PTPRB: variants seen among roughly 807,000 people sequenced by gnomAD.
The protein encoded by PTPRB is protein tyrosine phosphatase receptor type B.
In PTPRB, 97 loss-of-function variants were observed where a neutral mutation model predicts 238.1. The ratio of observed to expected loss-of-function variants is 0.41; its 90% CI spans 0.35 to 0.48. The LOEUF is 0.48. Among genes scored for constraint, PTPRB ranks in the 20% least tolerant of loss-of-function variants. PTPRB has a pLI of 0.30. For missense variants in PTPRB, 2,292 were observed against 2,681.9 expected (o/e 0.85, Z 3.21); for synonymous variants, 970 against 995.4 (o/e 0.97, Z 0.48).
At chr12:70,601,161 C>T (rs1352745792) in intron 4 of PTPRB, among the ~76,000 whole-genome samples, 1 of 151,986 alleles carries the variant, frequency 6.6e-6, no homozygotes, top group Non-Finnish European at 1.5e-5. Flanking sequence ...CTAGCGTGCC[C>T]AGCCTAATTT....
Position 70,631,579 on chromosome 12 carries a change from G to A in PTPRB, c.451+4092C>T, listed in dbSNP as rs1314682213. On this transcript the variant is annotated intron_variant, in intron 2 of 33. Transcript: ENST00000334414. The stretch of plus-strand genomic sequence containing the variant: ...GCAACAAAAGCCAAAATAGACAAAT[G>A]GGATCTAATTAAACTAAAGAGCTTC... Among the ~76,000 whole-genome samples the A allele has an allele frequency of 2.6e-5, 4 of 152,172 alleles. No homozygotes were observed. The East Asian group carries it at 7.7e-4, about 29-fold the overall frequency.
intron 4 of PTPRB, among the ~76,000 whole-genome samples, chr12:70,605,436 T>A (rs1463693768): frequency 6.6e-6 from 1 of 152,194 alleles, no homozygotes; most frequent in East Asian, 1.9e-4. Context: ...ATCCATTTAA[T>A]CAGTATTTAC....
chr12:70,537,306 AAAGAAAG>A (rs1473194484), intron 28 of PTPRB, among the ~76,000 whole-genome samples: 1 of 142,692 alleles, frequency 7.0e-6, no homozygotes, highest in Non-Finnish European at 1.5e-5. Context: ...AAAAAAAAAA[AAAGAAAG>A]AAATACAGAT....
chr12:70,555,177 ACCACTGTGAAGTATTTCACAGCT>A lies in PTPRB; in HGVS notation c.5103_5125del (p.Ala1702GlyfsTer5). Reference sequence around the variant, plus strand: ...TAACTTACCATCAGCCTCTCTCACCACCACTGTGAAGTATTTCACAGCTCCATTGGTGTCGCTGAACCAGCTGC... The same window carrying A: ...TAACTTACCATCAGCCTCTCTCACCACCATTGGTGTCGCTGAACCAGCTGC... On this transcript the variant is annotated frameshift_variant, in exon 20 of 34. Transcript: ENST00000334414. LOFTEE classifies it high-confidence loss of function. 1 of 1,613,716 alleles carries A rather than the reference ACCACTGTGAAGTATTTCACAGCT, an allele frequency of 6.2e-7. No homozygotes were observed. The highest frequency in any genetic ancestry group is 8.5e-7 in the Non-Finnish European group (1 of 1,179,744).
rs1878711547 is a variant in PTPRB, at chr12:70,563,028, C to T, written c.3984G>A (p.Gly1328=). ...HLSFRWTASE[G]ELSWYNIFLY... Reference sequence around the variant, plus strand: ...AAAAGATGTTGTACCAGCTGAGCTCCCCCTCTGAGGCGGTCCAGCGGAAGG... The same window carrying T: ...AAAAGATGTTGTACCAGCTGAGCTCTCCCTCTGAGGCGGTCCAGCGGAAGG... The change falls in exon 16 of 34, where the codon GGG becomes GGA. Residue 1328 remains glycine, a synonymous_variant. Transcript: ENST00000334414. The T allele has an allele frequency of 6.2e-7, 1 of 1,613,928 alleles. No homozygotes were observed. Among genetic ancestry groups the T allele is most frequent in the African/African-American group, 1.3e-5 (1 of 75,032 alleles).
At position 70,569,857 on chromosome 12, in the gene PTPRB, C is replaced by G; in HGVS notation, c.3452G>C (p.Gly1151Ala). The G allele has an allele frequency of 6.2e-7, 1 of 1,613,956 alleles. No individual in the cohort carries two copies. Residue 1151 changes from glycine (G) to alanine (A), a missense_variant, in exon 14 of 34, where the codon GGA becomes GCA. Gly to Ala is a moderately conservative substitution (Grantham distance 60). Coordinates refer to ENST00000334414, the MANE Select transcript of PTPRB (RefSeq NM_001109754.4). ...CGACACCGTGTAGGAATCAACGTCT[C>G]CCCCACCAGGAGTCCAGTTCACCGT... ...SLTVNWTPGG[G>A]DVDSYTVSAF...
In PTPRB at chr12:70,560,334, C is replaced by A. The variant is rs1367652; in HGVS notation, c.4432+337G>T. Among the ~76,000 whole-genome samples the A allele has an allele frequency of 0.44, 66,888 of 151,862 alleles. 15,756 individuals are homozygous for A. The highest frequency in any genetic ancestry group is 0.61 in the African/African-American group (25,110 of 41,414). On this transcript the variant is annotated intron_variant, in intron 17 of 33. Transcript: ENST00000334414. The surrounding 1 kb of genome is among the most constrained non-coding windows in gnomAD (Gnocchi z 4.2). ...ATTAACTCCAGGGTGGCACACAGAC[C>A]TCTGTGTGTGCCCATGACATAAAAA...
intron 8 of PTPRB, among the ~76,000 whole-genome samples, chr12:70,587,867 G>A (rs1258120410): frequency 3.3e-5 from 5 of 151,992 alleles, no homozygotes; most frequent in Non-Finnish European, 7.4e-5. Flanking sequence ...TTGGGAGGCC[G>A]AGGCGGGTGG....
At chr12:70,572,189 T>A in intron 11 of PTPRB, 102 bp from the exon 12 acceptor site, 1 of 1,225,674 alleles carries the variant, frequency 8.2e-7, no homozygotes. Flanking sequence ...TAGATTATTA[T>A]TGTGTGCATT....
In PTPRB at chr12:70,576,383, T is replaced by C; in HGVS notation, c.2841A>G (p.Thr947=). ...CCCTGAACCTTCATACAGCCTTACC[T>C]GTCCGCTCTTGGCTGAAGGAGTGAT... is the stretch of plus-strand genomic sequence containing the variant. ...YENHSFSQER[T]VPDKVQGVSV... Residue 947 remains threonine, a splice_region_variant and synonymous_variant, in exon 11 of 34, where the codon ACA becomes ACG. Coordinates refer to ENST00000334414, the MANE Select transcript of PTPRB (RefSeq NM_001109754.4). The C allele has an allele frequency of 1.2e-6, 2 of 1,612,146 alleles. No individual in the cohort carries two copies. The highest frequency in any genetic ancestry group is 1.7e-6 in the Non-Finnish European group (2 of 1,179,296).
chr12:70,576,314 G>A (rs2136398587), intron 11 of PTPRB, 68 bp downstream of exon 11: 1 of 1,505,690 alleles, frequency 6.6e-7, no homozygotes. Flanking sequence ...AATTGCTACA[G>A]CTCTGTGGTG....
chr12:70,566,172 T>G (rs1879269356), intron 15 of PTPRB, among the ~76,000 whole-genome samples: 2 of 152,200 alleles, frequency 1.3e-5, no homozygotes, highest in Non-Finnish European at 2.9e-5. Flanking sequence ...ATTAAGCCAC[T>G]AAGATTGTGA....
In PTPRB at chr12:70,539,858, C is replaced by A; in HGVS notation, c.5679-14G>T. The A allele has an allele frequency of 6.3e-7, 1 of 1,576,928 alleles. No homozygotes were observed. The highest frequency in any genetic ancestry group is 8.7e-7 in the Non-Finnish European group (1 of 1,146,158). ...GTTTTCCGGTTACTGTGAAGAGAAG[C>A]CAAAAGAGGAAGACTTTGTTAGCAA... is the stretch of plus-strand genomic sequence containing the variant. On this transcript the variant is annotated splice_polypyrimidine_tract_variant and intron_variant, in intron 24 of 33. Transcript: ENST00000334414.
Position 70,536,027 on chromosome 12 carries a change from G to T in PTPRB, c.6079C>A (p.Arg2027=). The T allele has an allele frequency of 6.2e-7, 1 of 1,612,798 alleles. No individual in the cohort carries two copies. The highest frequency in any genetic ancestry group is 8.5e-7 in the Non-Finnish European group (1 of 1,179,480). The change falls in exon 29 of 34, where the codon CGA becomes AGA. Residue 2027 remains arginine, a splice_region_variant and synonymous_variant. Coordinates refer to ENST00000334414, the MANE Select transcript of PTPRB (RefSeq NM_001109754.4). Reference sequence around the variant, plus strand: ...TGCCAGGAAGGCTGTTTACTCACTCGGCCCTTCTCAACACACTGGGTCACC... The same window carrying T: ...TGCCAGGAAGGCTGTTTACTCACTCTGCCCTTCTCAACACACTGGGTCACC... The part of the protein sequence containing the change: ...VMVTQCVEKG[R]VKCDHYWPAD...
intron 9 of PTPRB, chr12:70,585,376 C>T (rs1364120705): frequency 6.6e-6 from 1 of 152,234 alleles, no homozygotes; most frequent in African/African-American, 2.4e-5. Context: ...CACATATTCT[C>T]TCTTTCCTAG....
chr12:70,606,396 G>A (rs1438892086), intron 4 of PTPRB, among the ~76,000 whole-genome samples: 2 of 152,112 alleles, frequency 1.3e-5, no homozygotes, highest in African/African-American at 4.8e-5. Context: ...TTAAGGTCGT[G>A]TCTATATGAC....
In PTPRB at chr12:70,524,559, T is replaced by A; in HGVS notation, c.6537A>T (p.Arg2179Ser). The change falls in exon 33 of 34, where the codon AGA (arginine) becomes AGT (serine). Residue 2179 changes from arginine (R) to serine (S), a missense_variant. By Grantham distance (110) the Arg-to-Ser change is moderately radical. Around this residue, in one of 4 missense-constraint regions of PTPRB, gnomAD observed 397 missense variants for 502.0 expected, o/e 0.79. Transcript: ENST00000334414. ...GTAGCTTTCTTGCTCTGAGGACATC[T>A]CTTACACACTGATGTAGGTAGACAT... ...CQYVYLHQCVRDVLRARKLRS... is the reference protein window; with the variant it reads ...CQYVYLHQCVSDVLRARKLRS... The A allele has an allele frequency of 6.2e-7, 1 of 1,612,670 alleles. No homozygotes were observed. The highest frequency in any genetic ancestry group is 8.5e-7 in the Non-Finnish European group (1 of 1,178,866).
chr12:70,524,461 A>G lies in PTPRB; in HGVS notation c.6625+10T>C. The G allele has an allele frequency of 6.3e-7, 1 of 1,594,506 alleles. No homozygotes were observed. Among genetic ancestry groups the G allele is most frequent in the Non-Finnish European group, 8.5e-7 (1 of 1,169,898 alleles). Reference sequence around the variant, plus strand: ...AGAAACTTGGGGAAGTAAGTGAAGTAAGTGCCCACCTCTGTGATACTCTGG... The same window carrying G: ...AGAAACTTGGGGAAGTAAGTGAAGTGAGTGCCCACCTCTGTGATACTCTGG... On this transcript the variant is annotated intron_variant, in intron 33 of 33. Coordinates refer to ENST00000334414, the MANE Select transcript of PTPRB (RefSeq NM_001109754.4).
intron 30 of PTPRB, 56 bp downstream of exon 30, chr12:70,534,777 C>T (rs1873835502): frequency 1.1e-5 from 17 of 1,605,228 alleles, no homozygotes; most frequent in Non-Finnish European, 1.4e-5. Flanking sequence ...AAGTGGGGTT[C>T]ACAGATCTCA....
Sources: allele counts gnomAD v4.1 joint callset (sites outside exome capture counted in the v4.1 genomes callset), GRCh38; gene constraint gnomAD v4.1.1; regional missense constraint gnomAD v4.1.1; non-coding constraint Gnocchi (gnomAD v3.1); transcripts MANE v1.5; gene names NCBI Gene and HGNC (gene_info 2026-07-23, HGNC 2026-07-21).